Variants in PCDHGA9 observed in about 807,000 individuals in gnomAD.
PCDHGA9 encodes protocadherin gamma-A9.
In PCDHGA9, 37 loss-of-function variants were observed where a neutral mutation model predicts 62.5. The ratio of observed to expected loss-of-function variants is 0.59; its 90% CI spans 0.46 to 0.78. The LOEUF is 0.78. PCDHGA9 is among the 30% of genes least tolerant of loss of function. The pLI, the probability that PCDHGA9 is intolerant of heterozygous loss-of-function variation, is 0.00. For missense variants in PCDHGA9, 1,138 were observed against 1,166.2 expected (o/e 0.98, Z 0.35); for synonymous variants, 459 against 484.6 (o/e 0.95, Z 0.69).
Position 141,402,867 on chromosome 5 carries a change from C to T in PCDHGA9, c.-86C>T. 2 of 1,443,510 alleles carry T rather than the reference C, an allele frequency of 1.4e-6. No homozygotes were observed. Among genetic ancestry groups the T allele is most frequent in the Non-Finnish European group, 1.8e-6 (2 of 1,095,642 alleles). 89.4% of individuals were successfully genotyped at this position (1,443,510 alleles called of 1,614,324 possible). ...AGCCTCTTTCTTCTAAGGAAAAGATCACCATACTTTGCAGGGTGGAAGAAA... is the reference window on the plus strand; with the variant it reads ...AGCCTCTTTCTTCTAAGGAAAAGATTACCATACTTTGCAGGGTGGAAGAAA... On this transcript the variant is annotated 5_prime_UTR_variant, in exon 1 of 4. Transcript: ENST00000573521.
Position 141,490,398 on chromosome 5 carries a change from C to A in PCDHGA9, c.2425-4409C>A. 1 of 1,614,168 alleles carries A rather than the reference C, an allele frequency of 6.2e-7. No homozygotes were observed. Among genetic ancestry groups the A allele is most frequent in the South Asian group, 1.1e-5 (1 of 91,088 alleles). On this transcript the variant is annotated intron_variant, in intron 1 of 3. Coordinates refer to ENST00000573521, the MANE Select transcript of PCDHGA9 (RefSeq NM_018921.3). This position sits in a 1 kb window ranked among gnomAD's most constrained non-coding sequence, Gnocchi z 5.4. ...ACTCAGGTAGAAATGGTGAAGTGAG[C>A]CTTGATATCTCTCCGGACCTGCCAT...
chr5:141,470,019 C>G (rs2099219272), intron 1 of PCDHGA9, among the ~76,000 whole-genome samples: 1 of 152,154 alleles, frequency 6.6e-6, no homozygotes, highest in South Asian at 2.1e-4. Context: ...ATCCCAGCTA[C>G]TCGGGATGCT....
chr5:141,405,435 T>C, intron 1 of PCDHGA9, 59 bp downstream of exon 1: 1 of 1,463,324 alleles, frequency 6.8e-7, no homozygotes, highest in Non-Finnish European at 9.3e-7. Context: ...TTGTTTTGTT[T>C]TTGAGACAGA....
At chr5:141,481,035 G>C (rs1342607604) in intron 1 of PCDHGA9, among the ~76,000 whole-genome samples, 1 of 152,094 alleles carries the variant, frequency 6.6e-6, no homozygotes, top group Non-Finnish European at 1.5e-5. Flanking sequence ...TCCAGCCTGG[G>C]CGACAGAGCG....
intron 1 of PCDHGA9, among the ~76,000 whole-genome samples, chr5:141,435,451 CTGTA>C: frequency 6.6e-6 from 1 of 152,258 alleles, no homozygotes; most frequent in Non-Finnish European, 1.5e-5. Context: ...AATACGATAT[CTGTA>C]TGTGTTTCCA....
In PCDHGA9 at chr5:141,485,569, T is replaced by C; in HGVS notation, c.2425-9238T>C. The C allele has an allele frequency of 6.2e-7, 1 of 1,612,664 alleles. No individual in the cohort carries two copies. Among genetic ancestry groups the C allele is most frequent in the Non-Finnish European group, 8.5e-7 (1 of 1,178,890 alleles). ...TAGATGTGAATGATCACGCCCCCCG[T>C]TTTCCGCGGCAGCAGCTGGACTTGG... On this transcript the variant is annotated intron_variant, in intron 1 of 3. Coordinates refer to ENST00000573521, the MANE Select transcript of PCDHGA9 (RefSeq NM_018921.3). This position sits in a 1 kb window ranked among gnomAD's most constrained non-coding sequence, Gnocchi z 5.7.
Position 141,487,623 on chromosome 5 carries a change from CT to C in PCDHGA9, c.2425-7181del. 1 of 1,614,206 alleles carries C rather than the reference CT, an allele frequency of 6.2e-7. No homozygotes were observed. Among genetic ancestry groups the C allele is most frequent in the Non-Finnish European group, 8.5e-7 (1 of 1,180,044 alleles). On this transcript the variant is annotated intron_variant, in intron 1 of 3. Transcript: ENST00000573521. This position sits in a 1 kb window ranked among gnomAD's most constrained non-coding sequence, Gnocchi z 5.0. ...CTTCTCTATGGGCTAGAGGTGAGAC[CT>C]TTGCAGGCTCAACAAATGCTTGAGG...
intron 1 of PCDHGA9, among the ~76,000 whole-genome samples, chr5:141,420,762 T>A (rs1221355822): frequency 6.6e-6 from 1 of 152,222 alleles, no homozygotes; most frequent in Non-Finnish European, 1.5e-5. Context: ...AACCTACAAG[T>A]TTTCAGCTCC....
At chr5:141,456,815 T>A (rs867637586) in intron 1 of PCDHGA9, among the ~76,000 whole-genome samples, 5 of 151,934 alleles carry the variant, frequency 3.3e-5, no homozygotes, top group Non-Finnish European at 7.4e-5. Flanking sequence ...ATACAAAAAA[T>A]TAGCCATCGT....
At position 141,476,318 on chromosome 5, in the gene PCDHGA9, G is replaced by A. The variant is rs767809530; in HGVS notation, c.2425-18489G>A. ...TAGCCTCTCAGCCCGCAGGTTCCGG[G>A]TGGTGTCTGGAGCTAGCCGAAGATT... is the stretch of plus-strand genomic sequence containing the variant. On this transcript the variant is annotated intron_variant, in intron 1 of 3. Coordinates refer to ENST00000573521, the MANE Select transcript of PCDHGA9 (RefSeq NM_018921.3). This position sits in a 1 kb window ranked among gnomAD's most constrained non-coding sequence, Gnocchi z 7.6. The A allele has an allele frequency of 6.2e-6, 10 of 1,614,084 alleles. No homozygotes were observed. Among genetic ancestry groups the A allele is most frequent in the Non-Finnish European group, 7.6e-6 (9 of 1,180,060 alleles).
At chr5:141,466,528 T>C (rs1171715691) in intron 1 of PCDHGA9, among the ~76,000 whole-genome samples, 1 of 152,204 alleles carries the variant, frequency 6.6e-6, no homozygotes, top group African/African-American at 2.4e-5. Context: ...TCCTCCCAAA[T>C]TGATGTAGAT....
intron 1 of PCDHGA9, among the ~76,000 whole-genome samples, chr5:141,436,809 A>T (rs2097847373): frequency 6.6e-6 from 1 of 152,242 alleles, no homozygotes; most frequent in Non-Finnish European, 1.5e-5. Context: ...TTTTTGTGAC[A>T]GCTGGTTTAA....
chr5:141,454,351 C>T (rs1406631649), intron 1 of PCDHGA9, among the ~76,000 whole-genome samples: 2 of 152,152 alleles, frequency 1.3e-5, no homozygotes, highest in Non-Finnish European at 2.9e-5. Flanking sequence ...GAAGTTGATC[C>T]AAACTTAGAA....
intron 1 of PCDHGA9, chr5:141,478,628 T>G (rs1245431927): frequency 6.4e-7 from 1 of 1,553,704 alleles, no homozygotes; most frequent in African/African-American, 1.4e-5. Context: ...GAGCTGTTTT[T>G]TTAGTGATGA....
chr5:141,407,125 T>C (rs1367266686), intron 1 of PCDHGA9, among the ~76,000 whole-genome samples: 1 of 152,254 alleles, frequency 6.6e-6, no homozygotes, highest in Non-Finnish European at 1.5e-5. Context: ...TTCAGTTGCT[T>C]TATTTTTAAG....
At chr5:141,427,416 G>T (rs1457696807) in intron 1 of PCDHGA9, 2 of 466,124 alleles carry the variant, frequency 4.3e-6, no homozygotes, top group South Asian at 3.1e-5. Flanking sequence ...GAGAGAAAAT[G>T]GGGAGGTTAC....
chr5:141,408,634 A>C, intron 1 of PCDHGA9: 2 of 1,614,040 alleles, frequency 1.2e-6, no homozygotes, highest in South Asian at 2.2e-5. Flanking sequence ...AAATTTTCGA[A>C]TCTGCATCCG....
intron 1 of PCDHGA9, among the ~76,000 whole-genome samples, chr5:141,449,240 G>A (rs535847654): frequency 6.6e-6 from 1 of 152,186 alleles, no homozygotes; most frequent in Non-Finnish European, 1.5e-5. Context: ...ATTTTCAAAG[G>A]AGTTGCAAGA....
chr5:141,410,110 C>T, intron 1 of PCDHGA9: 4 of 1,612,540 alleles, frequency 2.5e-6, no homozygotes, highest in Non-Finnish European at 3.4e-6. Flanking sequence ...GCGACAGGGA[C>T]GCAGCCCGCC....
Sources: allele counts gnomAD v4.1 joint callset (sites outside exome capture counted in the v4.1 genomes callset), GRCh38; gene constraint gnomAD v4.1.1; non-coding constraint Gnocchi (gnomAD v3.1); transcripts MANE v1.5; gene names NCBI Gene and HGNC (gene_info 2026-07-23, HGNC 2026-07-21).